The following ANO3 variants were observed in gnomAD, a reference collection of about 807,000 sequenced individuals.
The protein encoded by ANO3 is anoctamin-3.
ANO3 carries 99 observed loss-of-function variants against 144.8 expected under a neutral mutation model. The observed-to-expected ratio is 0.68, with a 90% CI of 0.58 to 0.81. The LOEUF (loss-of-function observed/expected upper bound fraction) is 0.81. ANO3 is among the 30% of genes least tolerant of loss of function. ANO3 has a pLI of 0.00. For missense variants in ANO3, 905 were observed against 1,202.2 expected (o/e 0.75, Z 3.66); for synonymous variants, 414 against 392.6 (o/e 1.05, Z -0.64).
chr11:26,559,867 CA>C (rs1850217365), intron 14 of ANO3, 88 bp downstream of exon 14: 5 of 877,380 alleles, frequency 5.7e-6, no homozygotes, highest in East Asian at 2.5e-5. Context: ...CACACACACA[CA>C]CACACACCAT....
chr11:26,546,049 T>C (rs114305934), intron 11 of ANO3, among the ~76,000 whole-genome samples: 29 of 152,030 alleles, frequency 1.9e-4, no homozygotes, highest in African/African-American at 6.7e-4. Context: ...ATACTGTCTA[T>C]ATCAGCTGAT....
At chr11:26,489,412 C>A (rs1860611482) in intron 4 of ANO3, among the ~76,000 whole-genome samples, 1 of 152,204 alleles carries the variant, frequency 6.6e-6, no homozygotes, top group South Asian at 2.1e-4. Context: ...CATGGAGAAC[C>A]TCTGCTAGGG....
At chr11:26,565,566 C>T in intron 14 of ANO3, 1 of 1,613,076 alleles carries the variant, frequency 6.2e-7, no homozygotes. Context: ...TTTTAGACTG[C>T]CCAAAGAATG....
chr11:26,427,744 A>G (rs938937348), intron 1 of ANO3, among the ~76,000 whole-genome samples: 1 of 152,128 alleles, frequency 6.6e-6, no homozygotes, highest in Non-Finnish European at 1.5e-5. Context: ...TTGGTAATCA[A>G]TGAAGAAAAG....
intron 20 of ANO3, among the ~76,000 whole-genome samples, chr11:26,637,206 G>T (rs966496267): frequency 2.0e-5 from 3 of 152,078 alleles, no homozygotes; most frequent in Admixed American, 1.3e-4. Flanking sequence ...AGTCATCAAG[G>T]CTTAATTTCA....
chr11:26,426,221 A>T (rs1350197485), intron 1 of ANO3, among the ~76,000 whole-genome samples: 1 of 152,202 alleles, frequency 6.6e-6, no homozygotes, highest in African/African-American at 2.4e-5. Context: ...AAATACATGA[A>T]AACATGCTCA....
chr11:26,194,546 G>A (rs570752303), intron 1 of ANO3, among the ~76,000 whole-genome samples: 7 of 149,086 alleles, frequency 4.7e-5, no homozygotes, highest in Non-Finnish European at 8.9e-5. Flanking sequence ...TGTTGCCCAG[G>A]CTGGAGTGCA....
Position 26,195,924 on chromosome 11 carries a change from T to C in ANO3, c.154+6594T>C, listed in dbSNP as rs1297212466. Among the ~76,000 whole-genome samples the C allele has an allele frequency of 2.0e-5, 3 of 152,192 alleles. No individual in the cohort carries two copies. In the East Asian group the frequency reaches 5.8e-4, roughly 29 times the overall value. Reference sequence around the variant, plus strand: ...TTAAAAAAATGTGCGAAAAATACCTTGTGCAGGGAAGGGGCCTAGAATACA... The same window carrying C: ...TTAAAAAAATGTGCGAAAAATACCTCGTGCAGGGAAGGGGCCTAGAATACA... On this transcript the variant is annotated intron_variant, in intron 1 of 27. Transcript: ENST00000672621.
intron 1 of ANO3, among the ~76,000 whole-genome samples, chr11:26,242,983 G>A (rs1226534867): frequency 6.6e-6 from 1 of 152,102 alleles, no homozygotes; most frequent in Non-Finnish European, 1.5e-5. Context: ...CACTTAAGGA[G>A]CTTGTTAAAA....
At chr11:26,528,200 C>T (rs996597346) in intron 7 of ANO3, among the ~76,000 whole-genome samples, 3 of 152,098 alleles carry the variant, frequency 2.0e-5, no homozygotes, top group African/African-American at 7.2e-5. Flanking sequence ...GTATTGAGTA[C>T]TTACTATGTT....
chr11:26,615,414 A>ATATATATATTT (rs1352935016), intron 17 of ANO3, among the ~76,000 whole-genome samples: 105 of 130,654 alleles, frequency 8.0e-4, no homozygotes, highest in Middle Eastern at 4.2e-3. Flanking sequence ...ATATATATAT[A>ATATATATATTT]TTTTTTTTTT....
chr11:26,309,311 G>A (rs1282486224), upstream of ANO3, among the ~76,000 whole-genome samples: 1 of 152,092 alleles, frequency 6.6e-6, no homozygotes, highest in Non-Finnish European at 1.5e-5. Flanking sequence ...TCCGAGTTTG[G>A]GGGTGCAGAA....
At chr11:26,551,555 C>G (rs1481185342) in intron 12 of ANO3, among the ~76,000 whole-genome samples, 1 of 151,940 alleles carries the variant, frequency 6.6e-6, no homozygotes, top group African/African-American at 2.4e-5. Context: ...TTCTGGAATT[C>G]TAGACTTGGT....
intron 1 of ANO3, among the ~76,000 whole-genome samples, chr11:26,365,306 C>G (rs777804875): frequency 2.0e-5 from 3 of 152,200 alleles, no homozygotes; most frequent in African/African-American, 7.2e-5. Context: ...TGAGTGCCTG[C>G]AGCTTTTCCA....
At chr11:26,423,398 A>T (rs189791914) in intron 1 of ANO3, among the ~76,000 whole-genome samples, 4 of 148,738 alleles carry the variant, frequency 2.7e-5, no homozygotes, top group Non-Finnish European at 5.9e-5. Context: ...AATGCCTGGC[A>T]TAGGGAAATA....
At chr11:26,192,072 A>T (rs1385373415) in intron 1 of ANO3, among the ~76,000 whole-genome samples, 1 of 152,164 alleles carries the variant, frequency 6.6e-6, no homozygotes, top group Non-Finnish European at 1.5e-5. Context: ...ATATTTGTTT[A>T]AGTCAAGTTA....
chr11:26,225,610 A>T (rs2133796795), intron 1 of ANO3, among the ~76,000 whole-genome samples: 1 of 152,242 alleles, frequency 6.6e-6, no homozygotes, highest in African/African-American at 2.4e-5. Flanking sequence ...TCTTCATTTC[A>T]TTAAAGTAGT....
At chr11:26,317,887 A>G (rs990174628) in intron 1 of ANO3, among the ~76,000 whole-genome samples, 3 of 152,252 alleles carry the variant, frequency 2.0e-5, no homozygotes, top group Non-Finnish European at 4.4e-5. Context: ...GACTGCATAA[A>G]GAAAATGTGG....
At chr11:26,426,754 G>T (rs1375789411) in intron 1 of ANO3, among the ~76,000 whole-genome samples, 1 of 152,088 alleles carries the variant, frequency 6.6e-6, no homozygotes, top group Admixed American at 6.6e-5. Context: ...CAAAAATATG[G>T]TCACCTATCA....
Sources: allele counts gnomAD v4.1 joint callset (sites outside exome capture counted in the v4.1 genomes callset), GRCh38; gene constraint gnomAD v4.1.1; transcripts MANE v1.5; gene names NCBI Gene and HGNC (gene_info 2026-07-23, HGNC 2026-07-21).